The following SEMA5A variants were observed in gnomAD, a reference collection of about 807,000 sequenced individuals.
The protein encoded by SEMA5A is semaphorin 5A.
SEMA5A carries 55 observed loss-of-function variants against 135.5 expected under a neutral mutation model. The ratio of observed to expected loss-of-function variants is 0.41; its 90% CI spans 0.33 to 0.51. The LOEUF (loss-of-function observed/expected upper bound fraction) is 0.51, where lower values mean the gene tolerates loss of function less well. Ranked by LOEUF, SEMA5A falls within the 20% of genes least tolerant of loss-of-function variation. SEMA5A has a pLI of 0.37. For missense variants in SEMA5A, 1,290 were observed against 1,419.9 expected, an observed-to-expected ratio of 0.91 and a Z score of 1.47; for synonymous variants, 580 against 546.5, an observed-to-expected ratio of 1.06 and a Z score of -0.85.
intron 5 of SEMA5A, among the ~76,000 whole-genome samples, chr5:9,245,529 A>C (rs1271044057): frequency 1.3e-5 from 2 of 152,194 alleles, no homozygotes; most frequent in Non-Finnish European, 2.9e-5. Context: ...TTTGAAAAAA[A>C]CACAAATTTA....
At chr5:9,381,942 TTGTGTGTGTGTGTGTG>T (rs148157627) in intron 2 of SEMA5A, among the ~76,000 whole-genome samples, 5 of 109,304 alleles carry the variant, frequency 4.6e-5, no homozygotes, top group Admixed American at 9.3e-5. Flanking sequence ...TAGAATCATT[TTGTGTGTGTGTGTGTG>T]TGTGTGTGTG....
At chr5:9,216,707 T>C (rs1297333899) in intron 8 of SEMA5A, among the ~76,000 whole-genome samples, 1 of 152,248 alleles carries the variant, frequency 6.6e-6, no homozygotes, top group Non-Finnish European at 1.5e-5. Context: ...TGTCATCTTG[T>C]TGAACTGAAT....
intron 16 of SEMA5A, among the ~76,000 whole-genome samples, chr5:9,087,209 C>T (rs540226646): frequency 2.0e-5 from 3 of 152,296 alleles, no homozygotes; most frequent in South Asian, 2.1e-4. Context: ...CTGCCATTAC[C>T]GACATGGCTG....
At chr5:9,122,456 T>C (rs999645275) in intron 14 of SEMA5A, among the ~76,000 whole-genome samples, 200 bp downstream of exon 14, 1 of 152,242 alleles carries the variant, frequency 6.6e-6, no homozygotes, top group Non-Finnish European at 1.5e-5. Context: ...GAAGAGTATG[T>C]GAATAAGCGT....
chr5:9,413,447 G>A (rs1757174290), intron 2 of SEMA5A, among the ~76,000 whole-genome samples: 1 of 152,216 alleles, frequency 6.6e-6, no homozygotes, highest in Non-Finnish European at 1.5e-5. Context: ...TATTGAGCAA[G>A]ATGGAGCTAG....
chr5:9,278,791 G>A (rs1247919917), intron 5 of SEMA5A, among the ~76,000 whole-genome samples: 1 of 152,218 alleles, frequency 6.6e-6, no homozygotes, highest in Non-Finnish European at 1.5e-5. Flanking sequence ...TCTACGTGGT[G>A]CTGGGCCTGC....
chr5:9,361,707 T>C (rs1754703212), intron 3 of SEMA5A, among the ~76,000 whole-genome samples: 1 of 152,230 alleles, frequency 6.6e-6, no homozygotes, highest in South Asian at 2.1e-4. Context: ...GCAAAAGTAA[T>C]TGCTCTTTAC....
At chr5:9,086,315 T>C (rs1738686162) in intron 16 of SEMA5A, among the ~76,000 whole-genome samples, 1 of 152,058 alleles carries the variant, frequency 6.6e-6, no homozygotes, top group Non-Finnish European at 1.5e-5. Flanking sequence ...CCTACCCAAA[T>C]CTCATCTTGT....
At chr5:9,059,410 G>A (rs372676515) in intron 18 of SEMA5A, among the ~76,000 whole-genome samples, 1 of 152,112 alleles carries the variant, frequency 6.6e-6, no homozygotes. Flanking sequence ...TAGTTAGATG[G>A]ACCCACAGAA....
chr5:9,160,601 C>T (rs1743199821), intron 11 of SEMA5A, among the ~76,000 whole-genome samples: 1 of 152,122 alleles, frequency 6.6e-6, no homozygotes, highest in Admixed American at 6.6e-5. Flanking sequence ...AGAGAACCCT[C>T]CTCGGCACAG....
intron 16 of SEMA5A, among the ~76,000 whole-genome samples, chr5:9,102,595 A>G (rs1739690535): frequency 6.6e-6 from 1 of 152,216 alleles, no homozygotes; most frequent in East Asian, 1.9e-4. Context: ...ATATCATTAA[A>G]TTATTTATAC....
intron 5 of SEMA5A, among the ~76,000 whole-genome samples, chr5:9,271,850 C>CA (rs1383483822): frequency 2.0e-5 from 3 of 152,180 alleles, no homozygotes; most frequent in Non-Finnish European, 4.4e-5. Flanking sequence ...GCACTTTTCT[C>CA]ACGCTCTTCA....
chr5:9,531,377 G>A (rs1737426236), intron 1 of SEMA5A, among the ~76,000 whole-genome samples: 1 of 152,220 alleles, frequency 6.6e-6, no homozygotes, highest in Non-Finnish European at 1.5e-5. Context: ...TTTGACAGAT[G>A]TGGCTGTGTA....
chr5:9,144,091 C>A (rs1355289682), intron 12 of SEMA5A, among the ~76,000 whole-genome samples: 2 of 152,160 alleles, frequency 1.3e-5, no homozygotes, highest in African/African-American at 4.8e-5. Flanking sequence ...AATTACTGGT[C>A]ACTTCATTCA....
chr5:9,362,237 C>G (rs373032971), intron 3 of SEMA5A, among the ~76,000 whole-genome samples: 4 of 152,254 alleles, frequency 2.6e-5, no homozygotes, highest in African/African-American at 9.6e-5. Context: ...TGTTTATAAG[C>G]CCCAGCCCCC....
chr5:9,167,904 A>T (rs1743702078), intron 11 of SEMA5A, among the ~76,000 whole-genome samples: 1 of 152,178 alleles, frequency 6.6e-6, no homozygotes, highest in Non-Finnish European at 1.5e-5. Context: ...AGGATTTCAC[A>T]ATTCTAGAAT....
chr5:9,402,121 A>G (rs1756683178), intron 2 of SEMA5A, among the ~76,000 whole-genome samples: 1 of 152,220 alleles, frequency 6.6e-6, no homozygotes, highest in Non-Finnish European at 1.5e-5. Flanking sequence ...GTCAATCTAT[A>G]AAGGAGGATC....
intron 1 of SEMA5A, among the ~76,000 whole-genome samples, chr5:9,501,966 A>G (rs1030150712): frequency 1.3e-5 from 2 of 152,222 alleles, no homozygotes. Context: ...GTAATTACTA[A>G]GCATAAGATG....
At chr5:9,191,002 T>C (rs1268021059) in intron 10 of SEMA5A, among the ~76,000 whole-genome samples, 1 of 152,158 alleles carries the variant, frequency 6.6e-6, no homozygotes. Flanking sequence ...GCTACAAAAA[T>C]ACTGTGCTGG....
Sources: allele counts gnomAD v4.1 joint callset (sites outside exome capture counted in the v4.1 genomes callset), GRCh38; gene constraint gnomAD v4.1.1; transcripts MANE v1.5; gene names NCBI Gene and HGNC (gene_info 2026-07-23, HGNC 2026-07-21).